SEMA6D: variants seen among roughly 807,000 people sequenced by gnomAD.
SEMA6D encodes the protein semaphorin 6D, also known as semaphorin-6D.
A neutral mutation model predicts 106.6 loss-of-function variants in SEMA6D; 35 were observed. The observed-to-expected ratio is 0.33, with a 90% confidence interval of 0.25 to 0.44. The LOEUF (loss-of-function observed/expected upper bound fraction) is 0.44, where lower values mean the gene tolerates loss of function less well. SEMA6D is among the 20% of genes least tolerant of loss of function. The pLI, the probability that SEMA6D is intolerant of heterozygous loss-of-function variation, is 1.00. For missense variants in SEMA6D, 1,185 were observed against 1,345.9 expected, an observed-to-expected ratio of 0.88 and a Z score of 1.87; for synonymous variants, 499 against 487.7, an observed-to-expected ratio of 1.02 and a Z score of -0.31.
chr15:47,706,903 C>G (rs2078922805), intron 4 of SEMA6D, among the ~76,000 whole-genome samples: 1 of 152,244 alleles, frequency 6.6e-6, no homozygotes, highest in Non-Finnish European at 1.5e-5. Context: ...GCACCCTGAC[C>G]ATTAACTAAT....
intron 1 of SEMA6D, among the ~76,000 whole-genome samples, chr15:47,723,510 G>A (rs2079546923): frequency 6.6e-6 from 1 of 152,184 alleles, no homozygotes; most frequent in African/African-American, 2.4e-5. Context: ...AGCAAAGACA[G>A]TGAGAGCTGC....
At chr15:47,525,854 C>A (rs1364250507) in intron 3 of SEMA6D, among the ~76,000 whole-genome samples, 1 of 151,798 alleles carries the variant, frequency 6.6e-6, no homozygotes, top group East Asian at 1.9e-4. Context: ...ACTTAGATGG[C>A]AGTTTAAAAG....
At chr15:47,686,151 A>G (rs1317204040) in intron 4 of SEMA6D, among the ~76,000 whole-genome samples, 1 of 152,226 alleles carries the variant, frequency 6.6e-6, no homozygotes, top group Non-Finnish European at 1.5e-5. Context: ...ACTTCAAGTC[A>G]TTTATTTACT....
chr15:47,398,228 A>G (rs1293748918), intron 1 of SEMA6D, among the ~76,000 whole-genome samples: 2 of 152,198 alleles, frequency 1.3e-5, no homozygotes, highest in African/African-American at 4.8e-5. Context: ...CTTCACAGTC[A>G]TTTCCAATCT....
chr15:47,402,886 G>C (rs1159405181), intron 1 of SEMA6D, among the ~76,000 whole-genome samples: 1 of 152,058 alleles, frequency 6.6e-6, no homozygotes, highest in African/African-American at 2.4e-5. Context: ...ACAATTCCTG[G>C]GACCTCAAGA....
intron 1 of SEMA6D, among the ~76,000 whole-genome samples, chr15:47,371,704 C>T (rs1388549039): frequency 6.6e-6 from 1 of 151,934 alleles, no homozygotes; most frequent in Non-Finnish European, 1.5e-5. Flanking sequence ...AACTTGTGAG[C>T]CATTAAAAAA....
At chr15:47,312,058 T>A (rs1349177767) in intron 1 of SEMA6D, among the ~76,000 whole-genome samples, 1 of 152,140 alleles carries the variant, frequency 6.6e-6, no homozygotes, top group African/African-American at 2.4e-5. Flanking sequence ...CTGACTGTGA[T>A]GTTGGCCTGA....
intron 1 of SEMA6D, among the ~76,000 whole-genome samples, chr15:47,208,016 C>CACACAA (rs1467262853): frequency 2.8e-5 from 4 of 145,040 alleles, no homozygotes; most frequent in Admixed American, 6.8e-5. Context: ...CACACACACA[C>CACACAA]ACACACACAC....
chr15:47,734,165 C>G (rs931991771), intron 1 of SEMA6D, among the ~76,000 whole-genome samples: 1 of 152,148 alleles, frequency 6.6e-6, no homozygotes, highest in Non-Finnish European at 1.5e-5. Flanking sequence ...CTCAACCTGT[C>G]CCTCAGTCGT....
intron 4 of SEMA6D, among the ~76,000 whole-genome samples, chr15:47,618,206 G>A (rs923077609): frequency 6.6e-6 from 1 of 152,190 alleles, no homozygotes; most frequent in African/African-American, 2.4e-5. Flanking sequence ...AAAAAGCTGA[G>A]TAATTTGTAA....
intron 1 of SEMA6D, among the ~76,000 whole-genome samples, chr15:47,242,295 G>A (rs1295488346): frequency 6.6e-6 from 1 of 152,058 alleles, no homozygotes; most frequent in Non-Finnish European, 1.5e-5. Flanking sequence ...TTAAAAACAT[G>A]CACTTGGCTA....
intron 1 of SEMA6D, among the ~76,000 whole-genome samples, chr15:47,287,198 ATC>A (rs2035404708): frequency 1.3e-5 from 2 of 152,208 alleles, no homozygotes; most frequent in African/African-American, 4.8e-5. Flanking sequence ...TAGAGTCCTT[ATC>A]AGTTGCATCA....
chr15:47,254,633 T>A (rs974754401), intron 1 of SEMA6D, among the ~76,000 whole-genome samples: 1 of 152,150 alleles, frequency 6.6e-6, no homozygotes, highest in African/African-American at 2.4e-5. Flanking sequence ...GTGAAAGATG[T>A]TGAATTTCAT....
chr15:47,765,996 G>A lies in SEMA6D; in HGVS notation c.1555G>A (p.Gly519Arg), dbSNP rs768760634. 1 of 1,601,454 alleles carries A rather than the reference G, an allele frequency of 6.2e-7. No homozygotes were observed. Among genetic ancestry groups the A allele is most frequent in the East Asian group, 2.2e-5 (1 of 44,752 alleles). The change falls in exon 14 of 19, where the codon GGA becomes AGA. Residue 519 changes from glycine to arginine, a missense_variant. Physicochemically the swap from Gly to Arg is moderately radical, Grantham distance 125 (BLOSUM62 -2). Coordinates refer to ENST00000536845, the MANE Select transcript of SEMA6D (RefSeq NM_001358351.3). The stretch of plus-strand genomic sequence containing the variant: ...CCCCCTCAGTCGCTGTGAGCGTTAT[G>A]GATCATGTAAAAAGTAAGCTCGTGT... ...RIPLSRCERY[G>R]SCKKSCIASR...
chr15:47,309,299 C>T (rs2036351740), intron 1 of SEMA6D, among the ~76,000 whole-genome samples: 1 of 152,158 alleles, frequency 6.6e-6, no homozygotes, highest in East Asian at 1.9e-4. Context: ...CTCATGCTGT[C>T]CTCCATCCTG....
chr15:47,763,180 G>A, intron 9 of SEMA6D, 76 bp downstream of exon 9: 1 of 1,115,762 alleles, frequency 9.0e-7, no homozygotes, highest in Non-Finnish European at 1.3e-6. Context: ...AGTTAAGGAT[G>A]CTCACTTGGC....
chr15:47,417,689 T>A (rs2041018936), intron 2 of SEMA6D, among the ~76,000 whole-genome samples: 1 of 152,074 alleles, frequency 6.6e-6, no homozygotes, highest in African/African-American at 2.4e-5. Context: ...AACTGTTGTA[T>A]CCTTGGATCC....
chr15:47,391,441 A>T lies in SEMA6D; in HGVS notation c.-238-20952A>T, dbSNP rs929677897. Reference sequence around the variant, plus strand: ...ATGTGATGGTTCCAAGGATCAATCCATCAGACAATGGTTCCTATTACTGCT... The same window carrying T: ...ATGTGATGGTTCCAAGGATCAATCCTTCAGACAATGGTTCCTATTACTGCT... On this transcript the variant is annotated intron_variant, in intron 1 of 19. Coordinates refer to the SEMA6D transcript ENST00000558014. 2.6e-5 allele frequency among the ~76,000 whole-genome samples: 4 copies of T among 152,282 alleles called. No homozygotes were observed. In the South Asian group the frequency reaches 8.3e-4, roughly 32 times the overall value.
intron 1 of SEMA6D, among the ~76,000 whole-genome samples, chr15:47,220,423 G>A (rs955617440): frequency 6.6e-6 from 1 of 152,140 alleles, no homozygotes; most frequent in Non-Finnish European, 1.5e-5. Flanking sequence ...TTTGTGGTTA[G>A]AGTGGCTACC....
Sources: allele counts gnomAD v4.1 joint callset (sites outside exome capture counted in the v4.1 genomes callset), GRCh38; gene constraint gnomAD v4.1.1; transcripts MANE v1.5; gene names NCBI Gene and HGNC (gene_info 2026-07-23, HGNC 2026-07-21).